Variants in ADCY8 observed in about 807,000 individuals in gnomAD.
ADCY8 encodes adenylate cyclase type 8.
A neutral mutation model predicts 119.7 loss-of-function variants in ADCY8; 51 were observed. That is an observed-to-expected ratio of 0.43 (90% CI 0.34 to 0.54). The LOEUF (loss-of-function observed/expected upper bound fraction) is 0.54. Ranked by LOEUF, ADCY8 falls within the 20% of genes least tolerant of loss-of-function variation. The pLI is 0.03. For missense variants in ADCY8, 1,383 were observed against 1,598.8 expected, an observed-to-expected ratio of 0.87 and a Z score of 2.30; for synonymous variants, 665 against 651.0, an observed-to-expected ratio of 1.02 and a Z score of -0.33.
chr8:131,030,142 C>T (rs1029862236), intron 1 of ADCY8, among the ~76,000 whole-genome samples: 4 of 152,064 alleles, frequency 2.6e-5, no homozygotes, highest in African/African-American at 9.7e-5. Context: ...TACTGTCTAC[C>T]CATGTTTGTG....
At chr8:131,031,348 C>G (rs934063046) in intron 1 of ADCY8, among the ~76,000 whole-genome samples, 10 of 152,198 alleles carry the variant, frequency 6.6e-5, no homozygotes, top group Non-Finnish European at 1.2e-4. Context: ...TAATTCCATT[C>G]CACAGGAGAC....
In ADCY8 at chr8:130,832,335, G is replaced by T. The variant is rs572112907; in HGVS notation, c.2675+3942C>A. ...TTCAGGGCCATCCCAATGAAGATGCGGCCAGGTTGTTGTGTCCAGGGTTTT... is the reference window on the plus strand; with the variant it reads ...TTCAGGGCCATCCCAATGAAGATGCTGCCAGGTTGTTGTGTCCAGGGTTTT... On this transcript the variant is annotated intron_variant, in intron 12 of 17. Transcript: ENST00000286355. Among the ~76,000 whole-genome samples the T allele has an allele frequency of 3.9e-5, 6 of 152,224 alleles. No individual in the cohort carries two copies. The East Asian group carries it at 1.2e-3, about 29-fold the overall frequency.
intron 9 of ADCY8, among the ~76,000 whole-genome samples, chr8:130,854,810 C>CCTCT (rs1432722842): frequency 1.9e-5 from 2 of 104,076 alleles, no homozygotes; most frequent in African/African-American, 9.2e-5. Context: ...TCCGTCCCTC[C>CCTCT]CTCCCTCCCT....
rs771922353 is a variant in ADCY8, at chr8:130,903,945, G to T, written c.1738C>A (p.His580Asn). 1 of 1,614,158 alleles carries T rather than the reference G, an allele frequency of 6.2e-7. No homozygotes were observed. The highest frequency in any genetic ancestry group is 2.2e-5 in the East Asian group (1 of 44,866). Reference sequence around the variant, plus strand: ...TTAATTAAGTAAGTTTCGATATTATGCTTCCTCAGGAATTCATTCCTCTCT... The same window carrying T: ...TTAATTAAGTAAGTTTCGATATTATTCTTCCTCAGGAATTCATTCCTCTCT... ...GKERNEFLRK[H>N]NIETYLIKQP... The change falls in exon 7 of 18, where the codon CAT (histidine) becomes AAT (asparagine). Residue 580 changes from histidine (H) to asparagine (N), a missense_variant. His to Asn is a moderately conservative substitution (Grantham distance 68, BLOSUM62 1). Coordinates refer to ENST00000286355, the MANE Select transcript of ADCY8 (RefSeq NM_001115.3).
intron 1 of ADCY8, among the ~76,000 whole-genome samples, chr8:131,018,995 A>G (rs1453303995): frequency 2.0e-5 from 3 of 152,156 alleles, no homozygotes; most frequent in African/African-American, 7.2e-5. Context: ...AGTCTTCCTC[A>G]ATGTTCTCAG....
At chr8:130,935,687 T>G (rs1230031565) in intron 5 of ADCY8, 1 of 152,222 alleles carries the variant, frequency 6.6e-6, no homozygotes, top group Non-Finnish European at 1.5e-5. Flanking sequence ...GCTACACAGC[T>G]TTCATTTAGA....
intron 1 of ADCY8, among the ~76,000 whole-genome samples, chr8:131,033,817 T>A (rs925033856): frequency 6.8e-6 from 1 of 147,096 alleles, no homozygotes; most frequent in African/African-American, 2.5e-5. Flanking sequence ...AAAAGAAAAA[T>A]AGAAAGAAAG....
chr8:130,817,504 G>A (rs1816384287), intron 13 of ADCY8, among the ~76,000 whole-genome samples: 1 of 152,120 alleles, frequency 6.6e-6, no homozygotes, highest in South Asian at 2.1e-4. Flanking sequence ...TTTATTGGAA[G>A]ATTTTTTAAT....
intron 14 of ADCY8, 32 bp downstream of exon 14, chr8:130,814,037 T>C: frequency 6.2e-7 from 1 of 1,612,756 alleles, no homozygotes; most frequent in Non-Finnish European, 8.5e-7. Context: ...ACCACCACCC[T>C]TTCTCACTGG....
intron 1 of ADCY8, among the ~76,000 whole-genome samples, chr8:131,032,001 A>G (rs968814879): frequency 2.0e-5 from 3 of 152,248 alleles, no homozygotes; most frequent in Non-Finnish European, 4.4e-5. Flanking sequence ...ATACACACAA[A>G]TGAAGAAAAG....
intron 12 of ADCY8, among the ~76,000 whole-genome samples, chr8:130,834,270 CATAAA>C (rs1160904133): frequency 1.3e-5 from 2 of 152,086 alleles, no homozygotes; most frequent in African/African-American, 4.8e-5. Flanking sequence ...TGGCAATTCA[CATAAA>C]ATAAAACCCA....
At chr8:130,930,059 T>A (rs546402648) in intron 5 of ADCY8, among the ~76,000 whole-genome samples, 15 of 152,296 alleles carry the variant, frequency 9.8e-5, no homozygotes, top group Admixed American at 9.2e-4. Flanking sequence ...CAGCATATAG[T>A]TGAGTCTTGT....
intron 1 of ADCY8, among the ~76,000 whole-genome samples, chr8:131,021,307 T>C (rs765329265): frequency 1.3e-5 from 2 of 152,134 alleles, no homozygotes; most frequent in Non-Finnish European, 2.9e-5. Context: ...ACCTTCTGTA[T>C]GGCTTCCATC....
At chr8:130,861,262 A>G (rs547893002) in intron 9 of ADCY8, among the ~76,000 whole-genome samples, 1 of 152,332 alleles carries the variant, frequency 6.6e-6, no homozygotes, top group South Asian at 2.1e-4. Context: ...TTGATTGACA[A>G]TGCATTGACC....
chr8:130,979,379 C>A (rs1822170071), intron 2 of ADCY8, among the ~76,000 whole-genome samples: 1 of 152,170 alleles, frequency 6.6e-6, no homozygotes, highest in Non-Finnish European at 1.5e-5. Flanking sequence ...TCCTGTTGAT[C>A]ACATTACAGT....
intron 8 of ADCY8, among the ~76,000 whole-genome samples, chr8:130,877,628 A>G (rs947825037): frequency 1.3e-5 from 2 of 152,224 alleles, no homozygotes; most frequent in East Asian, 3.8e-4. Context: ...TCCTCACAGG[A>G]AGAAAAGCAT....
Position 130,836,414 on chromosome 8 carries a change from G to A in ADCY8, c.2538C>T (p.Thr846=). The change falls in exon 12 of 18, where the codon ACC becomes ACT. Residue 846 remains threonine, a synonymous_variant. Transcript: ENST00000286355. Reference sequence around the variant, plus strand: ...AGTTCAGCCGGAGGAAAACTGCACAGGTCACCATGGCCAACACCCCCGTGA... The same window carrying A: ...AGTTCAGCCGGAGGAAAACTGCACAAGTCACCATGGCCAACACCCCCGTGA... ...FVFTGVLAMV[T]CAVFLRLNSV... is the part of the protein sequence containing the mutation. 2 of 1,613,842 alleles carry A rather than the reference G, an allele frequency of 1.2e-6. No individual in the cohort carries two copies. Among genetic ancestry groups the A allele is most frequent in the Non-Finnish European group, 1.7e-6 (2 of 1,179,846 alleles).
chr8:130,967,346 A>G (rs1586614847), intron 2 of ADCY8, among the ~76,000 whole-genome samples: 1 of 152,238 alleles, frequency 6.6e-6, no homozygotes. Context: ...TTAAGACTGC[A>G]GTGTTCTCGT....
At position 131,039,596 on chromosome 8, in the gene ADCY8, G is replaced by A. The variant is rs1320265005; in HGVS notation, c.738C>T (p.Gly246=). The A allele has an allele frequency of 6.2e-7, 1 of 1,613,944 alleles. No homozygotes were observed. The highest frequency in any genetic ancestry group is 1.7e-5 in the Admixed American group (1 of 60,032). Residue 246 remains glycine (G), a synonymous_variant, in exon 1 of 18, where the codon GGC becomes GGT. Coordinates refer to ENST00000286355, the MANE Select transcript of ADCY8 (RefSeq NM_001115.3). The part of the protein sequence containing the change: ...TTSHTYLQYS[G]VVTWVAMTTQ... ...TGGTCATGGCCACCCAGGTGACCAC[G>A]CCGCTGTACTGCAGGTACGTGTGGG...
Sources: allele counts gnomAD v4.1 joint callset (sites outside exome capture counted in the v4.1 genomes callset), GRCh38; gene constraint gnomAD v4.1.1; transcripts MANE v1.5; gene names NCBI Gene and HGNC (gene_info 2026-07-23, HGNC 2026-07-21).